Variants in MTMR3 observed in about 807,000 individuals in gnomAD.
The protein encoded by MTMR3 is phosphatidylinositol-3,5-bisphosphate 3-phosphatase MTMR3.
In MTMR3, 32 loss-of-function variants were observed where a neutral mutation model predicts 132.4. The ratio of observed to expected loss-of-function variants is 0.24; its 90% CI spans 0.18 to 0.32. The LOEUF (loss-of-function observed/expected upper bound fraction) is 0.32, where lower values mean the gene tolerates loss of function less well. Among genes scored for constraint, MTMR3 ranks in the 10% least tolerant of loss-of-function variants. MTMR3 has a pLI of 1.00. For synonymous variants in MTMR3, 556 were observed against 550.3 expected, an observed-to-expected ratio of 1.01 and a Z score of -0.14; for missense variants, 1,216 against 1,489.6, an observed-to-expected ratio of 0.82 and a Z score of 3.02.
At chr22:29,951,055 G>T (rs1369982887) in intron 1 of MTMR3, among the ~76,000 whole-genome samples, 3 of 152,030 alleles carry the variant, frequency 2.0e-5, no homozygotes, top group Admixed American at 2.0e-4. Flanking sequence ...GGAGGCTGAG[G>T]CAGGAGAATT....
chr22:29,901,613 C>T (rs1413967232), intron 1 of MTMR3, among the ~76,000 whole-genome samples: 3 of 152,194 alleles, frequency 2.0e-5, no homozygotes, highest in African/African-American at 4.8e-5. Flanking sequence ...TTCCTCACCT[C>T]TAGTCTCTGG....
intron 3 of MTMR3, 21 bp downstream of exon 3, chr22:29,971,083 G>C: frequency 6.4e-7 from 1 of 1,563,626 alleles, no homozygotes; most frequent in East Asian, 2.3e-5. Flanking sequence ...GGAAATAAGA[G>C]TAAAAAAAAA....
intron 1 of MTMR3, among the ~76,000 whole-genome samples, chr22:29,908,845 A>T (rs1406624003): frequency 6.6e-6 from 1 of 152,224 alleles, no homozygotes; most frequent in African/African-American, 2.4e-5. Context: ...TCTTTAAAGC[A>T]TATTTAGGAA....
chr22:29,995,428 T>G (rs1280248032), intron 7 of MTMR3: 1 of 152,268 alleles, frequency 6.6e-6, no homozygotes, highest in East Asian at 1.9e-4. Flanking sequence ...GCTTGACTAC[T>G]CAGGATCAGC....
intron 2 of MTMR3, among the ~76,000 whole-genome samples, chr22:29,967,769 CT>C (rs956135381): frequency 6.6e-6 from 1 of 152,050 alleles, no homozygotes; most frequent in African/African-American, 2.4e-5. Flanking sequence ...GTGGATTTAC[CT>C]TTTCTGGACA....
At chr22:29,941,700 A>G (rs2065860186) in intron 1 of MTMR3, among the ~76,000 whole-genome samples, 1 of 152,168 alleles carries the variant, frequency 6.6e-6, no homozygotes, top group African/African-American at 2.4e-5. Flanking sequence ...TCATTTTCTT[A>G]ATGGTGTCTT....
At chr22:30,003,041 C>A in intron 9 of MTMR3, 48 bp downstream of exon 9, 1 of 1,440,596 alleles carries the variant, frequency 6.9e-7, no homozygotes, top group Non-Finnish European at 9.8e-7. Flanking sequence ...CTGCTGCCTG[C>A]TGCATATGGT....
chr22:29,891,832 G>T (rs2064805187), intron 1 of MTMR3, among the ~76,000 whole-genome samples: 1 of 151,912 alleles, frequency 6.6e-6, no homozygotes, highest in Non-Finnish European at 1.5e-5. Context: ...TGCTGGTCCA[G>T]TTTAGTTGGA....
intron 16 of MTMR3, chr22:30,018,407 C>A: frequency 4.6e-6 from 1 of 215,542 alleles, no homozygotes; most frequent in East Asian, 1.1e-4. Context: ...CATGATTTGT[C>A]TTCTGAGGCT....
rs1360556704 is a variant in MTMR3 at position 29,934,537 on chromosome 22, AAAATCTAC to A, written c.-137-22497_-137-22490del. Among the ~76,000 whole-genome samples, 6 of 151,178 alleles carry A rather than the reference AAAATCTAC, an allele frequency of 4.0e-5. No individual in the cohort carries two copies. The East Asian group carries it at 1.2e-3, about 29-fold the overall frequency. On this transcript the variant is annotated intron_variant, in intron 1 of 19. Coordinates refer to ENST00000401950, the MANE Select transcript of MTMR3 (RefSeq NM_021090.4). The stretch of plus-strand genomic sequence containing the variant: ...CTTGCCATACTTGCATTTTAATATA[AAAATCTAC>A]ACTAATGTGGTCTCTTTTCCTTAGT...
At chr22:29,984,579 A>G (rs2066820060) in intron 5 of MTMR3, 2 of 152,208 alleles carry the variant, frequency 1.3e-5, no homozygotes, top group South Asian at 2.1e-4. Context: ...TTGTTTGAGC[A>G]TGAGTTTGGT....
chr22:29,982,438 A>G (rs1207949880), intron 5 of MTMR3: 2 of 152,052 alleles, frequency 1.3e-5, no homozygotes, highest in South Asian at 2.1e-4. Flanking sequence ...GCAAATAAGT[A>G]TTTCAATAAA....
chr22:29,934,309 G>A (rs780303141), intron 1 of MTMR3, among the ~76,000 whole-genome samples: 3 of 152,184 alleles, frequency 2.0e-5, no homozygotes, highest in South Asian at 2.1e-4. Flanking sequence ...AGCTGAGATC[G>A]TGCCACTGCA....
chr22:29,896,831 T>C (rs1232405157), intron 1 of MTMR3, among the ~76,000 whole-genome samples: 4 of 148,542 alleles, frequency 2.7e-5, no homozygotes, highest in Non-Finnish European at 5.9e-5. Flanking sequence ...AATTTTTTTT[T>C]AGTTAAAAAT....
intron 1 of MTMR3, among the ~76,000 whole-genome samples, chr22:29,891,634 T>C (rs2064802330): frequency 1.3e-5 from 2 of 151,960 alleles, no homozygotes; most frequent in African/African-American, 4.8e-5. Flanking sequence ...GATTTTGCCA[T>C]GTTGGCCAGG....
rs1601455208 is a variant in MTMR3 at position 30,030,342 on chromosome 22, A to T, written c.*4541A>T. 1 of 72,650 alleles carries T rather than the reference A, an allele frequency of 1.4e-5. No homozygotes were observed. The highest frequency in any genetic ancestry group is 6.9e-4 in the South Asian group (1 of 1,456). 4.5% of individuals were successfully genotyped at this position (72,650 alleles called of 1,614,324 possible). The stretch of plus-strand genomic sequence containing the variant: ...TTAACAGCTTCCCAACTAGCTTATA[A>T]GATTTTTTTTTTTAATGAAAACATA... On this transcript the variant is annotated 3_prime_UTR_variant, in exon 20 of 20. Transcript: ENST00000401950.
At chr22:29,973,224 C>G (rs1044246488) in intron 3 of MTMR3, among the ~76,000 whole-genome samples, 1 of 152,162 alleles carries the variant, frequency 6.6e-6, no homozygotes, top group Non-Finnish European at 1.5e-5. Flanking sequence ...CTTAAAGGTT[C>G]TTAAACGAGA....
At chr22:29,961,953 T>C (rs557757538) in intron 2 of MTMR3, among the ~76,000 whole-genome samples, 33 of 152,362 alleles carry the variant, frequency 2.2e-4, no homozygotes, top group African/African-American at 7.9e-4. Context: ...GTTTGTAGCC[T>C]AGGAACAACA....
At chr22:29,890,959 A>T (rs1301916513) in intron 1 of MTMR3, among the ~76,000 whole-genome samples, 1 of 151,724 alleles carries the variant, frequency 6.6e-6, no homozygotes, top group Non-Finnish European at 1.5e-5. Context: ...GCTAAAGTTC[A>T]CTGTGATTGT....
Sources: gnomAD v4.1 joint callset for allele counts (sites outside exome capture counted in the v4.1 genomes callset) on GRCh38, gnomAD v4.1.1 for gene constraint, MANE v1.5 for transcripts, NCBI Gene and HGNC (gene_info 2026-07-23, HGNC 2026-07-21) for gene names.